The following PIGB variants were observed in gnomAD, a reference collection of about 807,000 sequenced individuals.
PIGB encodes GPI alpha-1,2-mannosyltransferase 3.
A neutral mutation model predicts 68.4 loss-of-function variants in PIGB; 58 were observed. That is an observed-to-expected ratio of 0.85 (90% CI 0.69 to 1.06). The LOEUF (loss-of-function observed/expected upper bound fraction) is 1.06. Among genes scored for constraint, PIGB ranks in the 50% least tolerant of loss-of-function variants. The pLI, the probability that PIGB is intolerant of heterozygous loss-of-function variation, is 0.00. For synonymous variants in PIGB, 219 were observed against 220.5 expected (o/e 0.99, Z 0.06); for missense variants, 634 against 655.8 (o/e 0.97, Z 0.36).
chr15:55,321,460 T>G, intron 3 of PIGB, 70 bp downstream of exon 3: 1 of 1,327,032 alleles, frequency 7.5e-7, no homozygotes, highest in Non-Finnish European at 1.0e-6. Flanking sequence ...CTACTGTTGC[T>G]GAAGTCCAGC....
At chr15:55,341,914 T>A (rs1230274990) in intron 9 of PIGB, 112 bp downstream of exon 9, 1 of 409,052 alleles carries the variant, frequency 2.4e-6, no homozygotes, top group African/African-American at 2.1e-5. Context: ...AATTACTTAA[T>A]TACAGATTAA....
rs1393665473 is a variant in PIGB at position 55,354,956 on chromosome 15, T to C, written c.1496T>C (p.Ile499Thr). ...HDDASLPTHL[I>T]TFSILEEEIS... The stretch of plus-strand genomic sequence containing the variant: ...GATGCATCATTGCCTACTCACTTGA[T>C]CACCTTCAGCATTTTGGAAGAGGTA... Residue 499 changes from isoleucine (I) to threonine (T), a missense_variant, in exon 11 of 12, where the codon ATC (isoleucine) becomes ACC (threonine). Coordinates refer to ENST00000164305, the MANE Select transcript of PIGB (RefSeq NM_004855.5). 1.2e-6 allele frequency: 2 copies of C among 1,612,354 alleles called. No homozygotes were observed. The highest frequency in any genetic ancestry group is 4.5e-5 in the East Asian group (2 of 44,850).
chr15:55,350,813 A>G lies in PIGB; in HGVS notation c.1238A>G (p.Asp413Gly), dbSNP rs369835854. Residue 413 changes from aspartate (D) to glycine (G), a missense_variant, in exon 10 of 12, where the codon GAT becomes GGT. Asp to Gly is a moderately conservative substitution (Grantham distance 94). Coordinates refer to ENST00000164305, the MANE Select transcript of PIGB (RefSeq NM_004855.5). The part of the protein sequence containing the change: ...TGLVHQRGTL[D>G]VMSHIQKVCY... Reference sequence around the variant, plus strand: ...TTAGTTCATCAACGAGGTACTCTTGATGTCATGAGTCATATTCAAAAAGTT... The same window carrying G: ...TTAGTTCATCAACGAGGTACTCTTGGTGTCATGAGTCATATTCAAAAAGTT... 4 of 1,611,052 alleles carry G rather than the reference A, an allele frequency of 2.5e-6. No homozygotes were observed. The highest frequency in any genetic ancestry group is 3.4e-6 in the Non-Finnish European group (4 of 1,177,524).
In PIGB at chr15:55,329,746, G is replaced by T. The variant is rs2055372332; in HGVS notation, c.545G>T (p.Trp182Leu). 1.2e-6 allele frequency: 2 copies of T among 1,609,892 alleles called. No homozygotes were observed. Among genetic ancestry groups the T allele is most frequent in the Non-Finnish European group, 8.5e-7 (1 of 1,178,230 alleles). Residue 182 changes from tryptophan to leucine, a missense_variant, in exon 5 of 12, where the codon TGG becomes TTG. Trp to Leu is a moderately conservative substitution (Grantham distance 61, BLOSUM62 -2). Transcript: ENST00000164305. ...RWVFFCQLCS[W>L]FTWYCCTRTL... ...TAGTTTTTTTGCCAGTTGTGCTCCT[G>T]GTTCACATGGTATTGCTGTACCAGA...
chr15:55,327,425 G>T lies in PIGB; in HGVS notation c.418-106G>T, dbSNP rs1346973182. 1.2e-5 allele frequency: 8 copies of T among 682,250 alleles called. No individual in the cohort carries two copies. In the Admixed American group the frequency reaches 2.3e-4, roughly 20 times the overall value. The allele number at this position is 682,250 out of a possible 1,614,324, so 42.3% of individuals were successfully genotyped here. On this transcript the variant is annotated intron_variant, in intron 3 of 11. Coordinates refer to ENST00000164305, the MANE Select transcript of PIGB (RefSeq NM_004855.5). Reference sequence around the variant, plus strand: ...AATATATTGCCTATTTTTGTACTAAGAATGGCTTCCCATAGATAGTTGGAT... The same window carrying T: ...AATATATTGCCTATTTTTGTACTAATAATGGCTTCCCATAGATAGTTGGAT...
At chr15:55,343,548 G>GTAT (rs2055721160) in intron 9 of PIGB, 1 of 152,154 alleles carries the variant, frequency 6.6e-6, no homozygotes, top group Non-Finnish European at 1.5e-5. Context: ...GCTTTACCAA[G>GTAT]TATTTACACA....
chr15:55,326,420 G>A (rs1051951166), intron 3 of PIGB, among the ~76,000 whole-genome samples: 2 of 152,084 alleles, frequency 1.3e-5, no homozygotes, highest in African/African-American at 4.8e-5. Flanking sequence ...CTGTGCCTCA[G>A]TTTCCTCATC....
In PIGB at chr15:55,320,403, G is replaced by T; in HGVS notation, c.292G>T (p.Val98Phe). Residue 98 changes from valine (V) to phenylalanine (F), a missense_variant, in exon 2 of 12, where the codon GTT (valine) becomes TTT (phenylalanine). Val to Phe is a conservative substitution (Grantham distance 50, BLOSUM62 -1). Coordinates refer to ENST00000164305, the MANE Select transcript of PIGB (RefSeq NM_004855.5). ...GTCTCTTGAAGTTTCACATCACATG[G>T]TTTTCAAATATCCTTTGTGGTTTCT... The part of the protein sequence containing the change: ...WQSLEVSHHM[V>F]FNYGYLTWEW... 1 of 1,612,882 alleles carries T rather than the reference G, an allele frequency of 6.2e-7. No individual in the cohort carries two copies. The highest frequency in any genetic ancestry group is 1.3e-5 in the African/African-American group (1 of 74,944).
At chr15:55,346,840 A>G (rs2055805711) in intron 9 of PIGB, 1 of 152,210 alleles carries the variant, frequency 6.6e-6, no homozygotes, top group Non-Finnish European at 1.5e-5. Context: ...CTACTGGTCT[A>G]TAAGAAAACC....
intron 3 of PIGB, among the ~76,000 whole-genome samples, chr15:55,325,511 A>C (rs2055261566): frequency 1.3e-5 from 2 of 152,198 alleles, no homozygotes; most frequent in South Asian, 4.2e-4. Flanking sequence ...TTCTAACTAT[A>C]ATTTAGTTGT....
chr15:55,341,564 T>C (rs1252837413), intron 8 of PIGB, among the ~76,000 whole-genome samples, 174 bp from the exon 9 acceptor site: 2 of 152,178 alleles, frequency 1.3e-5, no homozygotes, highest in Non-Finnish European at 2.9e-5. Flanking sequence ...TACCATATCA[T>C]AATCACCTTA....
chr15:55,341,802 G>A lies in PIGB; in HGVS notation c.1123G>A (p.Gly375Arg). 1 of 1,400,902 alleles carries A rather than the reference G, an allele frequency of 7.1e-7. No homozygotes were observed. The highest frequency in any genetic ancestry group is 9.5e-7 in the Non-Finnish European group (1 of 1,048,860). The allele number at this position is 1,400,902 out of a possible 1,614,324, so 86.8% of individuals were successfully genotyped here. ...PVLPFCMVFC[G>R]YSLTHLKTWK... ...TTTACCATTCTGTATGGTGTTCTGT[G>A]GTAAGTGCTTTTGTTTGTTATAGAA... Residue 375 changes from glycine to arginine, a missense_variant and splice_region_variant, in exon 9 of 12, where the codon GGA (glycine) becomes AGA (arginine). Transcript: ENST00000164305.
At chr15:55,332,452 C>A (rs1162899146) in intron 5 of PIGB, among the ~76,000 whole-genome samples, 2 of 151,462 alleles carry the variant, frequency 1.3e-5, no homozygotes, top group African/African-American at 2.4e-5. Flanking sequence ...CTCATTGCAA[C>A]CTCCACTTCC....
chr15:55,331,274 C>T (rs2055407204), intron 5 of PIGB, among the ~76,000 whole-genome samples: 1 of 152,108 alleles, frequency 6.6e-6, no homozygotes, highest in South Asian at 2.1e-4. Flanking sequence ...CTACCTGGGC[C>T]CAGGTGCCCT....
intron 7 of PIGB, among the ~76,000 whole-genome samples, chr15:55,339,791 C>G (rs1307044862): frequency 6.6e-6 from 1 of 152,058 alleles, no homozygotes. Context: ...TATGTTCTTA[C>G]TTATAAGTGG....
chr15:55,340,934 G>C, intron 8 of PIGB, 111 bp downstream of exon 8: 4 of 669,120 alleles, frequency 6.0e-6, no homozygotes, highest in Non-Finnish European at 1.0e-5. Context: ...ACTTTTGTTA[G>C]TGGGAATTAT....
intron 5 of PIGB, among the ~76,000 whole-genome samples, chr15:55,332,445 A>G (rs959997358): frequency 6.7e-6 from 1 of 149,660 alleles, no homozygotes; most frequent in Non-Finnish European, 1.5e-5. Context: ...ATCTCAGCTC[A>G]TTGCAACCTC....
chr15:55,327,381 T>C, intron 3 of PIGB, 150 bp from the exon 4 acceptor site: 1 of 591,434 alleles, frequency 1.7e-6, no homozygotes, highest in South Asian at 2.1e-5. Flanking sequence ...AGGGATGTAG[T>C]TTTGTGGAAG....
Position 55,321,224 on chromosome 15 carries a change from C to T in PIGB, c.300-49C>T, listed in dbSNP as rs372696137. 6.9e-5 allele frequency: 98 copies of T among 1,419,686 alleles called. No individual in the cohort carries two copies. In the African/African-American group the frequency reaches 1.2e-3, roughly 17 times the overall value. The allele number at this position is 1,419,686 out of a possible 1,614,324, so 87.9% of individuals were successfully genotyped here. On this transcript the variant is annotated intron_variant, in intron 2 of 11. Transcript: ENST00000164305. ...CCCCATCTTAAAAAAAAAAAAAACACGGAAATAGGTTTCAATATTATTGGA... is the reference window on the plus strand; with the variant it reads ...CCCCATCTTAAAAAAAAAAAAAACATGGAAATAGGTTTCAATATTATTGGA...
Sources: gnomAD v4.1 joint callset for allele counts (sites outside exome capture counted in the v4.1 genomes callset) on GRCh38, gnomAD v4.1.1 for gene constraint, MANE v1.5 for transcripts, NCBI Gene and HGNC (gene_info 2026-07-23, HGNC 2026-07-21) for gene names.